The following IGSF21 variants were observed in gnomAD, a reference collection of about 807,000 sequenced individuals.
IGSF21 encodes the protein immunoglobulin superfamily member 21.
In IGSF21, 28 loss-of-function variants were observed where a neutral mutation model predicts 46.8. The observed-to-expected ratio is 0.60, with a 90% CI of 0.44 to 0.82. The LOEUF is 0.82. Among genes scored for constraint, IGSF21 ranks in the 40% least tolerant of loss-of-function variants. The pLI, the probability that IGSF21 is intolerant of heterozygous loss-of-function variation, is 0.00. For missense variants in IGSF21, 624 were observed against 665.5 expected (o/e 0.94, Z 0.69); for synonymous variants, 284 against 273.6 (o/e 1.04, Z -0.38).
chr1:18,143,901 G>A (rs1294468674), intron 1 of IGSF21, among the ~76,000 whole-genome samples: 1 of 152,046 alleles, frequency 6.6e-6, no homozygotes, highest in African/African-American at 2.4e-5. Flanking sequence ...GTGACTCCCC[G>A]ATCAGACTGG....
At chr1:18,348,801 C>T (rs1290462130) in intron 4 of IGSF21, among the ~76,000 whole-genome samples, 3 of 152,156 alleles carry the variant, frequency 2.0e-5, no homozygotes, top group African/African-American at 4.8e-5. Context: ...CAAGATCACA[C>T]TGCAAGTCGG....
chr1:18,339,014 G>A (rs1477967374), intron 4 of IGSF21, among the ~76,000 whole-genome samples: 1 of 152,170 alleles, frequency 6.6e-6, no homozygotes, highest in Non-Finnish European at 1.5e-5. Context: ...GGCTCCTCTG[G>A]AATGCCAAGG....
At position 18,162,500 on chromosome 1, in the gene IGSF21, TCAGGA is replaced by T. The variant is rs2086636440; in HGVS notation, c.70+54306_70+54310del. ...CTGCAGCTCCCAGTCACCCATGCCA[TCAGGA>T]CAGTGATACACTGATACCCTGCAGC... On this transcript the variant is annotated intron_variant, in intron 1 of 9. Transcript: ENST00000251296. 5.4e-5 allele frequency among the ~76,000 whole-genome samples: 7 copies of T among 128,890 alleles called. No homozygotes were observed. The South Asian group carries it at 1.6e-3, about 30-fold the overall frequency. The allele number at this position is 128,890 out of a possible 152,430, so 84.6% of individuals were successfully genotyped here. A position where few individuals can be genotyped will look rare whatever the true frequency, so the allele number is the denominator to read the frequency against.
At chr1:18,361,884 T>A in intron 4 of IGSF21, 4 of 529,398 alleles carry the variant, frequency 7.6e-6, no homozygotes, top group Admixed American at 6.5e-5. Context: ...TTCCTGTGTG[T>A]CTTCTACACT....
At chr1:18,203,019 G>C (rs919193819) in intron 1 of IGSF21, among the ~76,000 whole-genome samples, 1 of 152,180 alleles carries the variant, frequency 6.6e-6, no homozygotes, top group Admixed American at 6.5e-5. Flanking sequence ...AGTTGGGAGT[G>C]GCCAGGCTGC....
rs141783201 is a variant in IGSF21 at position 18,365,645 on chromosome 1, C to T, written c.963C>T (p.Cys321=). The part of the protein sequence containing the change: ...PQIDNEALFS[C]EVKHPALSMP... ...TCGACAACGAGGCCCTCTTCAGCTG[C>T]GAGGTCAAGCACCCAGCTCTGTCGA... The change falls in exon 6 of 10, where the codon TGC becomes TGT. Residue 321 remains cysteine (C), a synonymous_variant. Transcript: ENST00000251296. This position sits in a 1 kb window ranked among gnomAD's most constrained non-coding sequence, Gnocchi z 4.8. 807 of 1,614,170 alleles carry T rather than the reference C, an allele frequency of 5.0e-4. 6 individuals are homozygous for T. In the East Asian group the frequency reaches 0.014, roughly 29 times the overall value.
Position 18,109,907 on chromosome 1 carries a change from C to CG in IGSF21, c.70+1710dup, listed in dbSNP as rs1025118265. The CG allele has an allele frequency of 1.3e-5, 2 of 152,282 alleles. No homozygotes were observed. Among genetic ancestry groups the CG allele is most frequent in the Non-Finnish European group, 2.9e-5 (2 of 68,208 alleles). 9.4% of individuals were successfully genotyped at this position (152,282 alleles called of 1,614,324 possible). On this transcript the variant is annotated intron_variant, in intron 1 of 9. Transcript: ENST00000251296. This position sits in a 1 kb window ranked among gnomAD's most constrained non-coding sequence, Gnocchi z 4.8. ...GTAAGCACCCCTTTCCCTGGGAATGCGCAGAACAGAGAGACGCGGCAGGGT... is the reference window on the plus strand; with the variant it reads ...GTAAGCACCCCTTTCCCTGGGAATGCGGCAGAACAGAGAGACGCGGCAGGGT...
At chr1:18,149,607 G>T (rs925733095) in intron 1 of IGSF21, among the ~76,000 whole-genome samples, 5 of 152,108 alleles carry the variant, frequency 3.3e-5, no homozygotes, top group Non-Finnish European at 7.4e-5. Flanking sequence ...AGCTCTCTCG[G>T]TGGCAGGCCA....
At chr1:18,212,682 G>A (rs559470855) in intron 1 of IGSF21, among the ~76,000 whole-genome samples, 1 of 152,194 alleles carries the variant, frequency 6.6e-6, no homozygotes, top group Non-Finnish European at 1.5e-5. Flanking sequence ...CCCAGGGGGG[G>A]TCCTGGCCCC....
intron 1 of IGSF21, among the ~76,000 whole-genome samples, chr1:18,191,189 C>T (rs1006288276): frequency 2.0e-5 from 3 of 152,170 alleles, no homozygotes; most frequent in Non-Finnish European, 4.4e-5. Context: ...CTAGGCTATC[C>T]AAAGTGCTGG....
chr1:18,336,479 C>T (rs1158403485), intron 4 of IGSF21, among the ~76,000 whole-genome samples: 1 of 152,198 alleles, frequency 6.6e-6, no homozygotes, highest in African/African-American at 2.4e-5. Context: ...TAAAGTCACA[C>T]AGCCAAGATC....
rs140422494 is a variant in IGSF21, at chr1:18,197,586, C to T, written c.71-30312C>T. ...GCAGCAGAAACTTGCCTGGTACCTA[C>T]AGAGAAGTCACTGGGTGTGAAGGAC... On this transcript the variant is annotated intron_variant, in intron 1 of 9. Coordinates refer to ENST00000251296, the MANE Select transcript of IGSF21 (RefSeq NM_032880.5). Among the ~76,000 whole-genome samples the T allele has an allele frequency of 6.6e-3, 1,002 of 152,326 alleles. 5 individuals carry two copies. Among genetic ancestry groups the T allele is most frequent in the African/African-American group, 0.023 (966 of 41,566 alleles).
At chr1:18,195,630 C>T (rs902303972) in intron 1 of IGSF21, among the ~76,000 whole-genome samples, 1 of 152,172 alleles carries the variant, frequency 6.6e-6, no homozygotes, top group African/African-American at 2.4e-5. Context: ...TTGCACCTGG[C>T]GTTCTCTTTG....
At chr1:18,127,047 G>A (rs79385585) in intron 1 of IGSF21, among the ~76,000 whole-genome samples, 2,839 of 152,250 alleles carry the variant, frequency 0.019, 96 homozygotes, top group African/African-American at 0.064. Context: ...TCCCTTCCCA[G>A]GCTGCTCATG....
In IGSF21 at chr1:18,184,977, T is replaced by A. The variant is rs143927555; in HGVS notation, c.71-42921T>A. Among the ~76,000 whole-genome samples, 13 of 152,342 alleles carry A rather than the reference T, an allele frequency of 8.5e-5. No individual in the cohort carries two copies. In the East Asian group the frequency reaches 1.5e-3, roughly 18 times the overall value. On this transcript the variant is annotated intron_variant, in intron 1 of 9. Transcript: ENST00000251296. ...TGGGTTCATAAGAGTACCTGTATCATAGAGTTGTTGGAAGAATACAAGGGA... is the reference window on the plus strand; with the variant it reads ...TGGGTTCATAAGAGTACCTGTATCAAAGAGTTGTTGGAAGAATACAAGGGA...
chr1:18,351,639 TCC>T (rs950413492), intron 4 of IGSF21, among the ~76,000 whole-genome samples: 1 of 152,144 alleles, frequency 6.6e-6, no homozygotes, highest in African/African-American at 2.4e-5. Flanking sequence ...CCTACCTGCC[TCC>T]CCAAGCTTCC....
chr1:18,280,823 C>A (rs992287128), intron 2 of IGSF21, among the ~76,000 whole-genome samples: 1 of 152,094 alleles, frequency 6.6e-6, no homozygotes, highest in Non-Finnish European at 1.5e-5. Flanking sequence ...TTGTTGATGC[C>A]TGGGGACCCC....
chr1:18,204,838 C>G (rs2087110124), intron 1 of IGSF21, among the ~76,000 whole-genome samples: 2 of 152,190 alleles, frequency 1.3e-5, no homozygotes, highest in South Asian at 4.1e-4. Context: ...GGGCTACATC[C>G]TGTCTTCCTG....
intron 2 of IGSF21, among the ~76,000 whole-genome samples, chr1:18,244,829 TCTC>T (rs1270892916): frequency 2.0e-5 from 3 of 152,188 alleles, no homozygotes; most frequent in East Asian, 1.9e-4. Flanking sequence ...TAATAATACT[TCTC>T]CTCTCAATGC....
Sources: gnomAD v4.1 joint callset for allele counts (sites outside exome capture counted in the v4.1 genomes callset) on GRCh38, gnomAD v4.1.1 for gene constraint, Gnocchi (gnomAD v3.1) non-coding constraint, MANE v1.5 for transcripts, NCBI Gene and HGNC (gene_info 2026-07-23, HGNC 2026-07-21) for gene names.